SVOPL: variants seen among roughly 807,000 people sequenced by gnomAD.
SVOPL encodes putative transporter SVOPL.
SVOPL carries 60 observed loss-of-function variants against 61.0 expected under a neutral mutation model. The ratio of observed to expected loss-of-function variants is 0.98; its 90% CI spans 0.80 to 1.22. SVOPL has a LOEUF of 1.22. Ranked by LOEUF, SVOPL falls within the 50% of genes most tolerant of loss-of-function variation. The pLI, the probability that SVOPL is intolerant of heterozygous loss-of-function variation, is 0.00. For missense variants in SVOPL, 662 were observed against 643.9 expected, an observed-to-expected ratio of 1.03 and a Z score of -0.30; for synonymous variants, 279 against 250.0, an observed-to-expected ratio of 1.12 and a Z score of -1.09.
intron 14 of SVOPL, among the ~76,000 whole-genome samples, chr7:138,620,519 AG>A (rs1309789705): frequency 2.0e-5 from 3 of 147,328 alleles, no homozygotes; most frequent in African/African-American, 7.5e-5. Context: ...CACGACCCCC[AG>A]GGTCGCCATA....
chr7:138,689,902 GTCTTACCCATTGTAAATGA>G (rs1376347658), intron 1 of SVOPL, among the ~76,000 whole-genome samples: 1 of 151,736 alleles, frequency 6.6e-6, no homozygotes, highest in African/African-American at 2.4e-5. Context: ...TGGAGTGGGA[GTCTTACCCATTGTAAATGA>G]TGTCCTCATA....
chr7:138,618,553 C>T (rs946916279), intron 14 of SVOPL, among the ~76,000 whole-genome samples: 12 of 151,944 alleles, frequency 7.9e-5, no homozygotes, highest in African/African-American at 1.4e-4. Context: ...TCCAGCTATT[C>T]GGGAGGCTAA....
At chr7:138,642,101 T>C (rs1002225645) in intron 9 of SVOPL, among the ~76,000 whole-genome samples, 1 of 151,326 alleles carries the variant, frequency 6.6e-6, no homozygotes, top group Non-Finnish European at 1.5e-5. Context: ...TATAATAACA[T>C]AGCTAACAGA....
At chr7:138,680,419 G>A (rs1286680189) in intron 1 of SVOPL, among the ~76,000 whole-genome samples, 3 of 152,180 alleles carry the variant, frequency 2.0e-5, no homozygotes, top group Non-Finnish European at 2.9e-5. Context: ...AAAGTGTTGG[G>A]ATTACAGGCG....
intron 14 of SVOPL, among the ~76,000 whole-genome samples, chr7:138,612,567 G>A (rs1799102619): frequency 6.7e-6 from 1 of 148,370 alleles, no homozygotes; most frequent in South Asian, 2.1e-4. Flanking sequence ...CCAGGCTGGA[G>A]TATAGTGGTG....
intron 1 of SVOPL, among the ~76,000 whole-genome samples, chr7:138,686,955 C>T (rs1219902915): frequency 6.6e-6 from 1 of 152,132 alleles, no homozygotes; most frequent in Non-Finnish European, 1.5e-5. Context: ...AACACTGTCA[C>T]AGAGACATAA....
At chr7:138,635,649 G>A (rs1374720957) in intron 9 of SVOPL, among the ~76,000 whole-genome samples, 4 of 152,180 alleles carry the variant, frequency 2.6e-5, no homozygotes, top group Non-Finnish European at 4.4e-5. Context: ...GCAGGAGCCA[G>A]GGATGAACAC....
chr7:138,630,150 T>C, intron 9 of SVOPL, 28 bp from the exon 10 acceptor site: 2 of 1,554,228 alleles, frequency 1.3e-6, no homozygotes, highest in Non-Finnish European at 1.8e-6. Context: ...AGACAGAACA[T>C]ACTCAGCAGC....
chr7:138,662,949 A>C (rs1205275527), intron 5 of SVOPL, 125 bp downstream of exon 5: 1 of 1,513,002 alleles, frequency 6.6e-7, no homozygotes, highest in Admixed American at 2.3e-5. Context: ...CAGGGAGGGA[A>C]ATGTCTGCAT....
At chr7:138,604,697 A>T (rs1014746404) in intron 14 of SVOPL, among the ~76,000 whole-genome samples, 40 of 150,852 alleles carry the variant, frequency 2.7e-4, no homozygotes, top group Non-Finnish European at 5.0e-4. Flanking sequence ...AAAAAAAAAA[A>T]AAAGTTAATA....
chr7:138,660,126 T>C (rs1333397061), intron 5 of SVOPL, 138 bp from the exon 6 acceptor site: 3 of 1,450,724 alleles, frequency 2.1e-6, no homozygotes, highest in South Asian at 2.9e-5. Context: ...AGCCCACTGG[T>C]CTTTCACAAT....
intron 9 of SVOPL, among the ~76,000 whole-genome samples, chr7:138,641,934 C>T (rs1403224927): frequency 6.8e-6 from 1 of 146,712 alleles, no homozygotes; most frequent in East Asian, 2.0e-4. Flanking sequence ...TATACACACA[C>T]ACACACACAC....
intron 9 of SVOPL, among the ~76,000 whole-genome samples, chr7:138,633,761 T>C (rs1327649563): frequency 1.3e-5 from 2 of 152,176 alleles, no homozygotes; most frequent in African/African-American, 2.4e-5. Context: ...AGGTTCAGCA[T>C]ACTGAATGCT....
chr7:138,654,884 T>A (rs1341719193), intron 7 of SVOPL, among the ~76,000 whole-genome samples: 1 of 100,344 alleles, frequency 1.0e-5, no homozygotes, highest in Non-Finnish European at 2.1e-5. Flanking sequence ...TTTTTTTTTT[T>A]TAAAAAAAAA....
chr7:138,699,322 T>A (rs1803139677), intron 1 of SVOPL, among the ~76,000 whole-genome samples: 1 of 151,986 alleles, frequency 6.6e-6, no homozygotes, highest in Non-Finnish European at 1.5e-5. Flanking sequence ...AAAAAAATAA[T>A]AAAAACAAAA....
chr7:138,658,118 G>T (rs1465755064), intron 6 of SVOPL, among the ~76,000 whole-genome samples: 4 of 152,130 alleles, frequency 2.6e-5, no homozygotes, highest in African/African-American at 2.4e-5. Context: ...TATCAGCGGG[G>T]TGTCTTGTGA....
intron 3 of SVOPL, among the ~76,000 whole-genome samples, chr7:138,675,050 A>G (rs1475193597): frequency 2.0e-5 from 3 of 152,048 alleles, no homozygotes; most frequent in Non-Finnish European, 2.9e-5. Context: ...CAATTGTACC[A>G]TTGGTTATCA....
At chr7:138,693,574 A>AAAGAAAG (rs1802998336) in intron 1 of SVOPL, among the ~76,000 whole-genome samples, 1 of 124,784 alleles carries the variant, frequency 8.0e-6, no homozygotes, top group African/African-American at 3.0e-5. Flanking sequence ...AGAAAGAAAG[A>AAAGAAAG]AAAAAGGAAA....
intron 1 of SVOPL, among the ~76,000 whole-genome samples, chr7:138,689,956 A>G (rs916023007): frequency 2.0e-5 from 3 of 152,026 alleles, no homozygotes; most frequent in African/African-American, 7.2e-5. Flanking sequence ...GGACACAGAG[A>G]CAGCACACAG....
Sources: allele counts gnomAD v4.1 joint callset (sites outside exome capture counted in the v4.1 genomes callset), GRCh38; gene constraint gnomAD v4.1.1; transcripts MANE v1.5; gene names NCBI Gene and HGNC (gene_info 2026-07-23, HGNC 2026-07-21).